NSMCE1: variants seen among roughly 807,000 people sequenced by gnomAD.
The protein encoded by NSMCE1 is non-structural maintenance of chromosomes element 1 homolog.
A neutral mutation model predicts 29.6 loss-of-function variants in NSMCE1; 18 were observed. That is an observed-to-expected ratio of 0.61 (90% CI 0.42 to 0.90). The LOEUF is 0.90. NSMCE1 is among the 40% of genes least tolerant of loss of function. NSMCE1 has a pLI of 0.00. For missense variants in NSMCE1, 314 were observed against 343.6 expected, an observed-to-expected ratio of 0.91 and a Z score of 0.68; for synonymous variants, 124 against 133.4, an observed-to-expected ratio of 0.93 and a Z score of 0.49.
intron 2 of NSMCE1, among the ~76,000 whole-genome samples, chr16:27,236,874 G>A (rs768915130): frequency 5.3e-5 from 8 of 152,100 alleles, no homozygotes; most frequent in East Asian, 1.9e-4. Flanking sequence ...CAGGGCACTC[G>A]TGCTGTATGT....
intron 5 of NSMCE1, among the ~76,000 whole-genome samples, chr16:27,227,047 C>T (rs369428811): frequency 6.6e-6 from 1 of 152,232 alleles, no homozygotes; most frequent in African/African-American, 2.4e-5. Flanking sequence ...GACATGGAGG[C>T]GTGGCTCCCT....
At position 27,261,122 on chromosome 16, in the gene NSMCE1, G is replaced by C. The variant is rs1167364136; in HGVS notation, c.-11-3541C>G. 2.1e-5 allele frequency among the ~76,000 whole-genome samples: 3 copies of C among 139,894 alleles called. No homozygotes were observed. The East Asian group carries it at 6.4e-4, about 30-fold the overall frequency. The allele number at this position is 139,894 out of a possible 152,430, so 91.8% of individuals were successfully genotyped here. On this transcript the variant is annotated intron_variant, in intron 1 of 7. Transcript: ENST00000361439. Reference sequence around the variant, plus strand: ...GCAGAGGTTGCAGCGAGCTGAGATGGCACCATTGCACTCCAGCCTGGGTGA... The same window carrying C: ...GCAGAGGTTGCAGCGAGCTGAGATGCCACCATTGCACTCCAGCCTGGGTGA...
chr16:27,264,787 A>G (rs1325820179), intron 1 of NSMCE1, among the ~76,000 whole-genome samples: 1 of 152,202 alleles, frequency 6.6e-6, no homozygotes, highest in Non-Finnish European at 1.5e-5. Context: ...GACTTTTGTT[A>G]AAATTAAGGG....
chr16:27,251,168 AT>A (rs1354583246), intron 2 of NSMCE1, among the ~76,000 whole-genome samples: 17 of 61,056 alleles, frequency 2.8e-4, no homozygotes, highest in African/African-American at 1.2e-3. Context: ...AAATATATAT[AT>A]ATATATATAT....
intron 2 of NSMCE1, among the ~76,000 whole-genome samples, chr16:27,246,336 C>A (rs894497492): frequency 1.3e-5 from 2 of 152,152 alleles, no homozygotes; most frequent in African/African-American, 4.8e-5. Context: ...TTTAAAACCT[C>A]ATAAAAATTA....
chr16:27,253,172 T>C (rs9928838), intron 2 of NSMCE1, among the ~76,000 whole-genome samples: 2,282 of 152,280 alleles, frequency 0.015, 81 homozygotes, highest in African/African-American at 0.052. Context: ...TGAATCATTC[T>C]AGAAAATTAT....
chr16:27,260,354 C>T (rs557210712), intron 1 of NSMCE1, among the ~76,000 whole-genome samples: 1 of 151,438 alleles, frequency 6.6e-6, no homozygotes, highest in Non-Finnish European at 1.5e-5. Flanking sequence ...TCTAGAGTAA[C>T]AACTTTTAAA....
chr16:27,266,760 G>A (rs943770315), intron 1 of NSMCE1, among the ~76,000 whole-genome samples: 6 of 151,996 alleles, frequency 3.9e-5, no homozygotes, highest in African/African-American at 1.4e-4. Flanking sequence ...TAGAGGCTCA[G>A]CAGCATGATT....
At chr16:27,231,374 C>T (rs997758931) in intron 5 of NSMCE1, among the ~76,000 whole-genome samples, 3 of 152,202 alleles carry the variant, frequency 2.0e-5, no homozygotes, top group African/African-American at 4.8e-5. Flanking sequence ...CGCTGGCTCA[C>T]GCCTGTCATC....
At chr16:27,228,440 C>T (rs1313566953) in intron 5 of NSMCE1, among the ~76,000 whole-genome samples, 3 of 152,042 alleles carry the variant, frequency 2.0e-5, no homozygotes, top group Non-Finnish European at 4.4e-5. Context: ...TACCTTCCCC[C>T]AAAGCTCCCA....
chr16:27,236,935 C>T (rs1229783038), intron 2 of NSMCE1, among the ~76,000 whole-genome samples: 2 of 151,260 alleles, frequency 1.3e-5, no homozygotes, highest in African/African-American at 4.9e-5. Flanking sequence ...ACCCGTACAA[C>T]TCAAGATTCA....
Position 27,225,822 on chromosome 16 carries a change from T to C in NSMCE1, c.625A>G (p.Ile209Val), listed in dbSNP as rs951321798. The C allele has an allele frequency of 6.2e-7, 1 of 1,614,040 alleles. No individual in the cohort carries two copies. Among genetic ancestry groups the C allele is most frequent in the African/African-American group, 1.3e-5 (1 of 74,928 alleles). Residue 209 changes from isoleucine (I) to valine (V), a missense_variant, in exon 7 of 8, where the codon ATC becomes GTC. Coordinates refer to ENST00000361439, the MANE Select transcript of NSMCE1 (RefSeq NM_145080.4). ...GCCACGCAGGGTAAGTGCATCCTGA[T>C]CCCACAGGTTTCGCAGCTTTGACCC... The part of the protein sequence containing the change: ...IQGQSCETCG[I>V]RMHLPCVAKY...
chr16:27,235,609 G>A (rs915597931), intron 2 of NSMCE1, among the ~76,000 whole-genome samples: 14 of 152,260 alleles, frequency 9.2e-5, no homozygotes, highest in Middle Eastern at 3.4e-3. Context: ...GTCCCAATCA[G>A]CACCTTCAGC....
intron 2 of NSMCE1, among the ~76,000 whole-genome samples, chr16:27,251,120 C>T (rs1388187719): frequency 1.4e-5 from 2 of 141,834 alleles, no homozygotes; most frequent in African/African-American, 5.1e-5. Flanking sequence ...GGATTACAGG[C>T]GTGAGCTACC....
At chr16:27,255,643 C>T (rs557954609) in intron 2 of NSMCE1, among the ~76,000 whole-genome samples, 88 of 152,342 alleles carry the variant, frequency 5.8e-4, no homozygotes, top group African/African-American at 2.0e-3. Context: ...AGATGCTACT[C>T]TCCAGACACT....
intron 2 of NSMCE1, among the ~76,000 whole-genome samples, chr16:27,256,703 C>A (rs2084090627): frequency 6.6e-6 from 1 of 152,150 alleles, no homozygotes; most frequent in South Asian, 2.1e-4. Flanking sequence ...TAGAACTTAG[C>A]ACCATGTCCT....
chr16:27,242,846 T>C (rs2140998497), intron 2 of NSMCE1, among the ~76,000 whole-genome samples: 1 of 152,314 alleles, frequency 6.6e-6, no homozygotes, highest in Non-Finnish European at 1.5e-5. Context: ...TCCCTACCCA[T>C]GCAGGAGCCC....
rs1390460999 is a variant in NSMCE1 at position 27,253,008 on chromosome 16, G to T, written c.136+4427C>A. 5.3e-5 allele frequency among the ~76,000 whole-genome samples: 8 copies of T among 152,234 alleles called. No individual in the cohort carries two copies. The East Asian group carries it at 1.5e-3, about 29-fold the overall frequency. On this transcript the variant is annotated intron_variant, in intron 2 of 7. Coordinates refer to ENST00000361439, the MANE Select transcript of NSMCE1 (RefSeq NM_145080.4). ...ATTAAACACACAGAGGCGTTGAGAC[G>T]GTGGTGCAAGTAGAGAGGGCACGGA...
intron 2 of NSMCE1, among the ~76,000 whole-genome samples, chr16:27,238,168 G>A (rs2083847089): frequency 6.6e-6 from 1 of 152,226 alleles, no homozygotes; most frequent in Non-Finnish European, 1.5e-5. Context: ...AAGCAGAGGT[G>A]TGGGCTCTAG....
Sources: gnomAD v4.1 joint callset for allele counts (sites outside exome capture counted in the v4.1 genomes callset) on GRCh38, gnomAD v4.1.1 for gene constraint, MANE v1.5 for transcripts, NCBI Gene and HGNC (gene_info 2026-07-23, HGNC 2026-07-21) for gene names.